CDK6: variants seen among roughly 807,000 people sequenced by gnomAD.
CDK6 encodes the protein cyclin-dependent kinase 6.
A neutral mutation model predicts 37.1 loss-of-function variants in CDK6; 6 were observed. The ratio of observed to expected loss-of-function variants is 0.16; its 90% CI spans 0.09 to 0.32. The LOEUF (loss-of-function observed/expected upper bound fraction) is 0.32. Among genes scored for constraint, CDK6 ranks in the 10% least tolerant of loss-of-function variants. CDK6 has a pLI of 1.00. For synonymous variants in CDK6, 160 were observed against 161.3 expected, an observed-to-expected ratio of 0.99 and a Z score of 0.06; for missense variants, 224 against 418.9, an observed-to-expected ratio of 0.53 and a Z score of 4.06.
chr7:92,638,156 T>C (rs1010091491), intron 5 of CDK6, among the ~76,000 whole-genome samples: 1 of 152,234 alleles, frequency 6.6e-6, no homozygotes, highest in Non-Finnish European at 1.5e-5. Context: ...ATTTTCTTTA[T>C]ATGGAAATTT....
At chr7:92,761,945 A>G (rs1297621395) in intron 3 of CDK6, among the ~76,000 whole-genome samples, 1 of 152,244 alleles carries the variant, frequency 6.6e-6, no homozygotes, top group East Asian at 1.9e-4. Context: ...GATAAGATGC[A>G]TATCATGGGC....
At chr7:92,657,668 T>A (rs188556765) in intron 5 of CDK6, among the ~76,000 whole-genome samples, 26 of 152,304 alleles carry the variant, frequency 1.7e-4, no homozygotes, top group African/African-American at 6.0e-4. Flanking sequence ...CTCTTATGCA[T>A]CAAACCAAAC....
chr7:92,828,593 G>T (rs559811788), intron 2 of CDK6, among the ~76,000 whole-genome samples: 3 of 152,058 alleles, frequency 2.0e-5, no homozygotes, highest in South Asian at 4.1e-4. Flanking sequence ...TTTTAAAAAA[G>T]AAATAATTTA....
At chr7:92,742,584 CA>C (rs1262680433) in intron 3 of CDK6, among the ~76,000 whole-genome samples, 2 of 152,026 alleles carry the variant, frequency 1.3e-5, no homozygotes, top group African/African-American at 4.8e-5. Context: ...ACACTCATCC[CA>C]AAATATACAT....
At chr7:92,659,607 GACAC>G (rs71722069) in intron 5 of CDK6, among the ~76,000 whole-genome samples, 108 of 146,054 alleles carry the variant, frequency 7.4e-4, no homozygotes, top group South Asian at 1.5e-3. Context: ...AAGTAGGCAT[GACAC>G]ACACACACAC....
In CDK6 at chr7:92,606,571, C is replaced by A. The variant is rs1180787926; in HGVS notation, c.*8569G>T. On this transcript the variant is annotated 3_prime_UTR_variant, in exon 8 of 8. Transcript: ENST00000424848. ...AGCCTAGATGAGTATCTGATATACA[C>A]AATTTCTACATTTCTAGAACCATGA... 4.3e-6 allele frequency: 1 copy of A among 232,984 alleles called. No individual in the cohort carries two copies. Among genetic ancestry groups the A allele is most frequent in the Non-Finnish European group, 8.5e-6 (1 of 117,958 alleles). The allele number at this position is 232,984 out of a possible 1,614,324, so 14.4% of individuals were successfully genotyped here. A position where few individuals can be genotyped will look rare whatever the true frequency, so the allele number is the denominator to read the frequency against.
At position 92,618,915 on chromosome 7, in the gene CDK6, G is replaced by C. The variant is rs374160029; in HGVS notation, c.699-708C>G. 2.2e-4 allele frequency among the ~76,000 whole-genome samples: 33 copies of C among 152,272 alleles called. No homozygotes were observed. The East Asian group carries it at 4.2e-3, about 20-fold the overall frequency. ...AAAGAACAGCAAGTGATAAGCACAG[G>C]CTTCGGAAATAGGCAGATTTGGGTT... On this transcript the variant is annotated intron_variant, in intron 6 of 7. Coordinates refer to ENST00000424848, the MANE Select transcript of CDK6 (RefSeq NM_001145306.2).
At chr7:92,627,932 A>G (rs948875333) in intron 5 of CDK6, among the ~76,000 whole-genome samples, 2 of 135,448 alleles carry the variant, frequency 1.5e-5, no homozygotes, top group African/African-American at 5.3e-5. Flanking sequence ...AAAATAAATT[A>G]AAAAAAAAAC....
chr7:92,823,143 T>C (rs1041640117), intron 2 of CDK6, among the ~76,000 whole-genome samples: 2 of 151,334 alleles, frequency 1.3e-5, no homozygotes, highest in South Asian at 4.2e-4. Context: ...AACAAAGATG[T>C]TTCTCTTGAC....
At chr7:92,731,364 A>G (rs139338143) in intron 3 of CDK6, among the ~76,000 whole-genome samples, 39 of 152,346 alleles carry the variant, frequency 2.6e-4, no homozygotes, top group African/African-American at 8.7e-4. Flanking sequence ...TAAAACTTCC[A>G]TATCACCTGG....
intron 4 of CDK6, among the ~76,000 whole-genome samples, chr7:92,696,464 C>CACA (rs1797721336): frequency 1.3e-5 from 2 of 152,090 alleles, no homozygotes; most frequent in African/African-American, 4.8e-5. Flanking sequence ...CCTACAAAAT[C>CACA]TTACCATATA....
chr7:92,823,874 C>T (rs1801243064), intron 2 of CDK6, among the ~76,000 whole-genome samples: 1 of 151,710 alleles, frequency 6.6e-6, no homozygotes, highest in Non-Finnish European at 1.5e-5. Context: ...CCTATGTTGC[C>T]CAGTCTGGTC....
At chr7:92,657,130 A>AT (rs1400590635) in intron 5 of CDK6, among the ~76,000 whole-genome samples, 2 of 152,274 alleles carry the variant, frequency 1.3e-5, no homozygotes, top group African/African-American at 4.8e-5. Flanking sequence ...TTGGCTTTCA[A>AT]TGTATAAAAT....
intron 5 of CDK6, among the ~76,000 whole-genome samples, chr7:92,640,716 CT>C (rs1286251312): frequency 1.3e-5 from 2 of 152,182 alleles, no homozygotes; most frequent in African/African-American, 2.4e-5. Context: ...TAATACACCC[CT>C]GGAGGGAAAA....
chr7:92,665,139 A>C (rs936255677), intron 5 of CDK6, among the ~76,000 whole-genome samples: 3 of 152,004 alleles, frequency 2.0e-5, no homozygotes, highest in African/African-American at 7.3e-5. Context: ...AACCTGGAAA[A>C]CCCCATAACT....
At position 92,735,691 on chromosome 7, in the gene CDK6, T is replaced by C. The variant is rs142603300; in HGVS notation, c.370-9898A>G. ...AAGGCACGTTATACATAGAAATCTT[T>C]TGGTTTTACTTGATTGGATGAATCA... On this transcript the variant is annotated intron_variant, in intron 3 of 7. Coordinates refer to ENST00000424848, the MANE Select transcript of CDK6 (RefSeq NM_001145306.2). Among the ~76,000 whole-genome samples the C allele has an allele frequency of 1.1e-3, 162 of 152,350 alleles. 1 individual carries two copies. The highest frequency in any genetic ancestry group is 3.7e-3 in the African/African-American group (153 of 41,584).
At position 92,608,668 on chromosome 7, in the gene CDK6, T is replaced by C. The variant is rs1321092428; in HGVS notation, c.*6472A>G. On this transcript the variant is annotated 3_prime_UTR_variant, in exon 8 of 8. Transcript: ENST00000424848. ...CCCGAACTTTCGGAGAATTGTGTTG[T>C]ACTTATTTATGCACAGAAGACACCC... 2 of 231,588 alleles carry C rather than the reference T, an allele frequency of 8.6e-6. No homozygotes were observed. Among genetic ancestry groups the C allele is most frequent in the South Asian group, 1.8e-4 (1 of 5,522 alleles). 14.3% of individuals were successfully genotyped at this position (231,588 alleles called of 1,614,324 possible). A position where few individuals can be genotyped will look rare whatever the true frequency, so the allele number is the denominator to read the frequency against.
chr7:92,636,338 C>T (rs568705643), intron 5 of CDK6, among the ~76,000 whole-genome samples: 110 of 152,186 alleles, frequency 7.2e-4, no homozygotes, highest in Non-Finnish European at 1.4e-3. Context: ...GGATTACAGG[C>T]GTGCACCACT....
At chr7:92,739,170 A>C (rs1433213946) in intron 3 of CDK6, among the ~76,000 whole-genome samples, 1 of 152,174 alleles carries the variant, frequency 6.6e-6, no homozygotes, top group Non-Finnish European at 1.5e-5. Context: ...TGTTTCCATA[A>C]TTACCTTTGC....
Sources: gnomAD v4.1 joint callset for allele counts (sites outside exome capture counted in the v4.1 genomes callset) on GRCh38, gnomAD v4.1.1 for gene constraint, MANE v1.5 for transcripts, NCBI Gene and HGNC (gene_info 2026-07-23, HGNC 2026-07-21) for gene names.